Variants in SLC12A7 observed in about 807,000 individuals in gnomAD.
SLC12A7 encodes the protein solute carrier family 12 member 7, also known as K-Cl cotransporter 4.
Under a neutral mutation model 120.6 loss-of-function variants are expected in SLC12A7, and 100 were observed. That is an observed-to-expected ratio of 0.83 (90% confidence interval 0.71 to 0.98). SLC12A7 has a LOEUF of 0.98. SLC12A7 is among the 50% of genes least tolerant of loss of function. SLC12A7 has a pLI of 0.00. For synonymous variants in SLC12A7, 760 were observed against 678.0 expected (o/e 1.12, Z -1.88); for missense variants, 1,373 against 1,548.1 (o/e 0.89, Z 1.90).
chr5:1,105,135 G>T (rs1466077984), intron 1 of SLC12A7, among the ~76,000 whole-genome samples: 1 of 145,214 alleles, frequency 6.9e-6, no homozygotes, highest in East Asian at 2.2e-4. Context: ...CAGGGATGAG[G>T]TCCTGCAGTC....
Position 1,051,812 on chromosome 5 carries a change from CAG to C in SLC12A7, c.*546_*547del, listed in dbSNP as rs1312416959. ...CACACGAGGGTGACACGGGCATGGA[CAG>C]AGTCCTCCAGCTTCAGTGCCTTGAG... On this transcript the variant is annotated 3_prime_UTR_variant, in exon 24 of 24. Transcript: ENST00000264930. The C allele has an allele frequency of 6.5e-6, 1 of 153,554 alleles. No homozygotes were observed. The highest frequency in any genetic ancestry group is 1.4e-5 in the Non-Finnish European group (1 of 69,026). 9.5% of individuals were successfully genotyped at this position (153,554 alleles called of 1,614,324 possible).
Position 1,079,486 on chromosome 5 carries a change from C to T in SLC12A7, c.1308G>A (p.Ala436=), listed in dbSNP as rs141843005. 3.0e-4 allele frequency: 486 copies of T among 1,612,438 alleles called. No homozygotes were observed. In the African/African-American group the frequency reaches 5.3e-3, roughly 17 times the overall value. ...TGAGGTCCCCGGACCGGTTTGAACC[C>T]GCCATGATACCTGTGAACATGGAAA... ...IYFPSVTGIM[A]GSNRSGDLKD... The change falls in exon 10 of 24, where the codon GCG becomes GCA. Residue 436 remains alanine (A), a synonymous_variant. Transcript: ENST00000264930.
chr5:1,136,268 C>T, the SLC12A7 span, among the ~76,000 whole-genome samples: 1 of 131,252 alleles, frequency 7.6e-6, no homozygotes, highest in Non-Finnish European at 1.6e-5. Context: ...ATCACGACTC[C>T]TCCTGACACC....
intron 11 of SLC12A7, 46 bp from the exon 12 acceptor site, chr5:1,078,053 C>A: frequency 6.6e-7 from 1 of 1,517,548 alleles, no homozygotes; most frequent in Non-Finnish European, 8.8e-7. Flanking sequence ...AGAAGTGAGC[C>A]TGAGTCAGAC....
chr5:1,101,601 C>T (rs536160275), intron 1 of SLC12A7, among the ~76,000 whole-genome samples: 114 of 152,316 alleles, frequency 7.5e-4, no homozygotes, highest in Non-Finnish European at 7.6e-4. Context: ...GGCCACAAGT[C>T]AGTTTTTTCT....
At chr5:1,066,512 A>G (rs1168470391) in intron 17 of SLC12A7, among the ~76,000 whole-genome samples, 1 of 152,204 alleles carries the variant, frequency 6.6e-6, no homozygotes, top group Non-Finnish European at 1.5e-5. Flanking sequence ...GCTCAATTGC[A>G]GTGGGTTGAA....
rs1218491026 is a variant in SLC12A7, at chr5:1,052,251, C to G, written c.*109G>C. 1.1e-6 allele frequency: 1 copy of G among 932,762 alleles called. No homozygotes were observed. The highest frequency in any genetic ancestry group is 1.6e-5 in the African/African-American group (1 of 61,820). 57.8% of individuals were successfully genotyped at this position (932,762 alleles called of 1,614,324 possible). On this transcript the variant is annotated 3_prime_UTR_variant, in exon 24 of 24. Coordinates refer to ENST00000264930, the MANE Select transcript of SLC12A7 (RefSeq NM_006598.3). ...GCCCCATGGGCAGCTTGGGCGGCAT[C>G]ACTGGGGGACAGGTGTGTCTGCCGT...
At chr5:1,070,034 CAGCCCCCAGTG>C (rs751066085) in intron 17 of SLC12A7, among the ~76,000 whole-genome samples, 1,712 of 9,862 alleles carry the variant, frequency 0.17, 201 homozygotes, top group Middle Eastern at 0.28. Context: ...CACACTTATG[CAGCCCCCAGTG>C]AGCCCCCAGT....
chr5:1,138,839 G>C, the SLC12A7 span, among the ~76,000 whole-genome samples: 1 of 152,220 alleles, frequency 6.6e-6, no homozygotes, highest in Non-Finnish European at 1.5e-5. Flanking sequence ...TGTGTGCACA[G>C]TGGGAGCCCC....
rs550433878 is a variant in SLC12A7, at chr5:1,098,942, C to T, written c.125-4694G>A. ...ATAGAGCCACTCGCCTGGGATAGCA[C>T]CTCCTCCCTTGTCATTCTGCACATT... is the stretch of plus-strand genomic sequence containing the variant. On this transcript the variant is annotated intron_variant, in intron 1 of 23. Coordinates refer to ENST00000264930, the MANE Select transcript of SLC12A7 (RefSeq NM_006598.3). Among the ~76,000 whole-genome samples the T allele has an allele frequency of 3.7e-3, 561 of 152,128 alleles. 1 individual carries two copies. The highest frequency in any genetic ancestry group is 6.0e-3 in the Non-Finnish European group (405 of 68,002).
At chr5:1,137,741 G>T in the SLC12A7 span, among the ~76,000 whole-genome samples, 5 of 152,242 alleles carry the variant, frequency 3.3e-5, no homozygotes, top group Admixed American at 3.3e-4. Context: ...GCCTCTGCAG[G>T]TCAGGCCCTC....
At chr5:1,065,081 A>T (rs1407254793) in intron 18 of SLC12A7, among the ~76,000 whole-genome samples, 1 of 140,066 alleles carries the variant, frequency 7.1e-6, no homozygotes, top group African/African-American at 2.7e-5. Context: ...CAGCAAGGGG[A>T]CACTGAGGAG....
upstream of SLC12A7, among the ~76,000 whole-genome samples, chr5:1,113,353 T>C (rs1343988000): frequency 2.0e-5 from 3 of 152,198 alleles, no homozygotes; most frequent in African/African-American, 4.8e-5. Context: ...CTCCGGGCTG[T>C]GGGATCACCG....
intron 17 of SLC12A7, among the ~76,000 whole-genome samples, chr5:1,069,916 C>T (rs753972181): frequency 3.8e-4 from 58 of 152,206 alleles, no homozygotes; most frequent in Non-Finnish European, 5.0e-4. Context: ...GCTACACGCC[C>T]GGGGCACTCA....
chr5:1,112,012 CCCCGTCCCGG>C lies in SLC12A7; in HGVS notation c.-31_-22del, dbSNP rs1485389104. Reference sequence around the variant, plus strand: ...GGCATGGCCGCCTGCAGCCGACAGTCCCCGTCCCGGCCCGGCCCGCGCTGCGCCGCTCCCG... The same window carrying C: ...GGCATGGCCGCCTGCAGCCGACAGTCCCCGGCCCGCGCTGCGCCGCTCCCG... On this transcript the variant is annotated 5_prime_UTR_variant, in exon 1 of 24. Transcript: ENST00000264930. The C allele has an allele frequency of 1.6e-6, 2 of 1,259,332 alleles. No homozygotes were observed. The highest frequency in any genetic ancestry group is 1.0e-6 in the Non-Finnish European group (1 of 1,002,034). 78.0% of individuals were successfully genotyped at this position (1,259,332 alleles called of 1,614,324 possible). A position where few individuals can be genotyped will look rare whatever the true frequency, so the allele number is the denominator to read the frequency against.
intron 1 of SLC12A7, among the ~76,000 whole-genome samples, chr5:1,105,870 G>A (rs911403252): frequency 6.6e-6 from 1 of 152,120 alleles, no homozygotes; most frequent in African/African-American, 2.4e-5. Context: ...ACTCCTGAAT[G>A]CCGTCCACGC....
At position 1,073,705 on chromosome 5, in the gene SLC12A7, G is replaced by A. The variant is rs757409342; in HGVS notation, c.2169C>T (p.Gly723=). Residue 723 remains glycine (G), a synonymous_variant, in exon 17 of 24, where the codon GGC becomes GGT. Coordinates refer to ENST00000264930, the MANE Select transcript of SLC12A7 (RefSeq NM_006598.3). ...SFTSQLKAGK[G]LTIVGSVLEG... is the part of the protein sequence containing the mutation. ...CCAGCACCGAGCCCACGATGGTCAG[G>A]CCCTTGCCGGCCTTCAGCTGCGACG... 3 of 1,580,886 alleles carry A rather than the reference G, an allele frequency of 1.9e-6. No homozygotes were observed. Among genetic ancestry groups the A allele is most frequent in the Non-Finnish European group, 1.7e-6 (2 of 1,161,180 alleles).
chr5:1,076,930 T>TA (rs1738415612), intron 12 of SLC12A7, 118 bp from the exon 13 acceptor site: 5 of 737,140 alleles, frequency 6.8e-6, no homozygotes, highest in South Asian at 1.5e-5. Flanking sequence ...CAGAAACGCC[T>TA]TTCACAGTAG....
At chr5:1,101,800 C>G (rs1041418606) in intron 1 of SLC12A7, among the ~76,000 whole-genome samples, 5 of 150,226 alleles carry the variant, frequency 3.3e-5, no homozygotes, top group African/African-American at 9.8e-5. Context: ...CCCCCCGACA[C>G]TAAGCAGCCT....
Sources: gnomAD v4.1 joint callset for allele counts (sites outside exome capture counted in the v4.1 genomes callset) on GRCh38, gnomAD v4.1.1 for gene constraint, MANE v1.5 for transcripts, NCBI Gene and HGNC (gene_info 2026-07-23, HGNC 2026-07-21) for gene names.